ZNF7: variants seen among roughly 807,000 people sequenced by gnomAD.
ZNF7 encodes the protein zinc finger protein 7.
ZNF7 carries 10 observed loss-of-function variants against 12.0 expected under a neutral mutation model. That is an observed-to-expected ratio of 0.83 (90% confidence interval 0.51 to 1.42). The LOEUF is 1.42. Among genes scored for constraint, ZNF7 ranks in the 40% most tolerant of loss-of-function variants. The pLI is 0.00. For missense variants in ZNF7, 854 were observed against 837.2 expected (o/e 1.02, Z -0.25); for synonymous variants, 334 against 295.0 (o/e 1.13, Z -1.35).
At position 144,841,385 on chromosome 8, in the gene ZNF7, C is replaced by T. The variant is rs754596607; in HGVS notation, c.278C>T (p.Ala93Val). Residue 93 changes from alanine (A) to valine (V), a missense_variant, in exon 5 of 5, where the codon GCC becomes GTC. Physicochemically the swap from Ala to Val is moderately conservative, Grantham distance 64. Coordinates refer to ENST00000532777, the MANE Select transcript of ZNF7 (RefSeq NM_003416.4). ...DSTIRTENEQ[A>V]CEDMDILKSE... ...ACGATTAGGACTGAAAATGAGCAGG[C>T]CTGTGAGGACATGGACATCCTAAAA... The T allele has an allele frequency of 4.3e-6, 7 of 1,611,272 alleles. No homozygotes were observed. The highest frequency in any genetic ancestry group is 4.5e-5 in the East Asian group (2 of 44,776).
chr8:144,828,883 C>A, intron 1 of ZNF7, 160 bp from the exon 2 acceptor site: 3 of 849,506 alleles, frequency 3.5e-6, no homozygotes, highest in African/African-American at 1.7e-5. Context: ...AGTGGGCCTC[C>A]TTCACTCAAG....
At chr8:144,832,011 T>A (rs1828508082) in intron 3 of ZNF7, among the ~76,000 whole-genome samples, 1 of 100,204 alleles carries the variant, frequency 1.0e-5, no homozygotes, top group Non-Finnish European at 2.5e-5. Flanking sequence ...TGAGACCCTG[T>A]CTAAAAAAAA....
Position 144,843,325 on chromosome 8 carries a change from T to A in ZNF7, c.*157T>A, listed in dbSNP as rs2722488. ...CAACTTCAGGCCGAGTGTGGTGGCT[T>A]ATGCCTGTCATCCCAGCACTTTGGG... On this transcript the variant is annotated 3_prime_UTR_variant, in exon 5 of 5. Transcript: ENST00000532777. The A allele has an allele frequency of 4.3e-6, 4 of 926,634 alleles. No individual in the cohort carries two copies. The highest frequency in any genetic ancestry group is 6.2e-6 in the Non-Finnish European group (4 of 648,656). 57.4% of individuals were successfully genotyped at this position (926,634 alleles called of 1,614,324 possible). A position where few individuals can be genotyped will look rare whatever the true frequency, so the allele number is the denominator to read the frequency against.
In ZNF7 at chr8:144,842,697, C is replaced by T. The variant is rs201846657; in HGVS notation, c.1590C>T (p.Cys530=). 200 of 1,613,888 alleles carry T rather than the reference C, an allele frequency of 1.2e-4. No homozygotes were observed. The highest frequency in any genetic ancestry group is 5.2e-4 in the Admixed American group (31 of 59,996). ...KGEKPYECLQ[C]GKAFSMSTQL... ...AGAAGCCCTACGAATGCCTCCAATG[C>T]GGAAAAGCCTTCAGTATGAGCACAC... The change falls in exon 5 of 5, where the codon TGC becomes TGT. Residue 530 remains cysteine, a synonymous_variant. Transcript: ENST00000532777.
intron 3 of ZNF7, 84 bp from the exon 4 acceptor site, chr8:144,837,307 C>T (rs1388182054): frequency 2.4e-6 from 3 of 1,226,144 alleles, no homozygotes; most frequent in Non-Finnish European, 3.4e-6. Context: ...TGCCCCTTTC[C>T]ATTTGGAAAC....
rs769377377 is a variant in ZNF7 at position 144,842,719 on chromosome 8, A to G, written c.1612A>G (p.Thr538Ala). 6.2e-7 allele frequency: 1 copy of G among 1,613,978 alleles called. No homozygotes were observed. Among genetic ancestry groups the G allele is most frequent in the South Asian group, 1.1e-5 (1 of 91,064 alleles). ...ATGCGGAAAAGCCTTCAGTATGAGC[A>G]CACAGCTTACAATACATCAAAGGGT... is the stretch of plus-strand genomic sequence containing the variant. ...LQCGKAFSMSTQLTIHQRVHT... is the reference protein window; with the variant it reads ...LQCGKAFSMSAQLTIHQRVHT... The change falls in exon 5 of 5, where the codon ACA becomes GCA. Residue 538 changes from threonine (T) to alanine (A), a missense_variant. Thr to Ala is a moderately conservative substitution (Grantham distance 58). Transcript: ENST00000532777.
chr8:144,839,938 CTTTA>C (rs1256340378), intron 4 of ZNF7, among the ~76,000 whole-genome samples: 1 of 152,146 alleles, frequency 6.6e-6, no homozygotes, highest in Non-Finnish European at 1.5e-5. Context: ...TGCCGCTGCT[CTTTA>C]TTTTTTTATT....
At chr8:144,832,658 G>A (rs1828576978) in intron 3 of ZNF7, among the ~76,000 whole-genome samples, 1 of 151,862 alleles carries the variant, frequency 6.6e-6, no homozygotes, top group Admixed American at 6.6e-5. Context: ...AACCCAGGAG[G>A]CAGAGGTTGC....
intron 3 of ZNF7, 64 bp from the exon 4 acceptor site, chr8:144,837,327 C>T: frequency 2.1e-6 from 3 of 1,410,158 alleles, no homozygotes; most frequent in Non-Finnish European, 2.9e-6. Flanking sequence ...CTGGGGAAGA[C>T]TTAGCCCTGT....
intron 1 of ZNF7, 152 bp from the exon 2 acceptor site, chr8:144,828,890 CA>C: frequency 1.1e-6 from 1 of 930,084 alleles, no homozygotes; most frequent in Non-Finnish European, 1.6e-6. Context: ...CTCCTTCACT[CA>C]AGTGCCATGG....
chr8:144,842,892 T>C lies in ZNF7; in HGVS notation c.1785T>C (p.Tyr595=), dbSNP rs1830134579. The change falls in exon 5 of 5, where the codon TAT becomes TAC. Residue 595 remains tyrosine, a synonymous_variant. Coordinates refer to ENST00000532777, the MANE Select transcript of ZNF7 (RefSeq NM_003416.4). ...GAAAAGCCTTCAGCCGGAGCTCATA[T>C]CTTATTGAACACCAGAGAATACACA... ...ECGKAFSRSS[Y]LIEHQRIHTR... 1.9e-6 allele frequency: 3 copies of C among 1,614,198 alleles called. No individual in the cohort carries two copies. In the South Asian group the frequency reaches 3.3e-5, roughly 18 times the overall value.
intron 4 of ZNF7, among the ~76,000 whole-genome samples, chr8:144,839,648 C>A (rs578105934): frequency 3.0e-4 from 46 of 152,372 alleles, no homozygotes; most frequent in African/African-American, 1.1e-3. Context: ...CACTTGCTCG[C>A]AGACCTGAGA....
At chr8:144,837,630 C>T (rs1225698463) in intron 4 of ZNF7, 123 bp downstream of exon 4, 4 of 680,108 alleles carry the variant, frequency 5.9e-6, no homozygotes, top group South Asian at 2.2e-5. Flanking sequence ...GGGAATGCTA[C>T]TGGGGAAGCA....
At chr8:144,827,798 C>G (rs1586780403) in intron 1 of ZNF7, 189 bp downstream of exon 1, 1 of 631,178 alleles carries the variant, frequency 1.6e-6, no homozygotes, top group East Asian at 1.4e-4. Flanking sequence ...CCACCCTCCC[C>G]CGCGGCGGCG....
intron 1 of ZNF7, chr8:144,828,086 C>T (rs960213273): frequency 2.0e-5 from 3 of 152,412 alleles, no homozygotes; most frequent in South Asian, 4.1e-4. Context: ...ATTCTGGTTG[C>T]TATTCCGGGC....
At chr8:144,828,209 T>TC (rs1828015727) in intron 1 of ZNF7, among the ~76,000 whole-genome samples, 1 of 152,096 alleles carries the variant, frequency 6.6e-6, no homozygotes, top group Non-Finnish European at 1.5e-5. Flanking sequence ...AGACTCTTTT[T>TC]CCCATTCCGA....
At chr8:144,844,546 TAA>T (rs1195630899), downstream of ZNF7, among the ~76,000 whole-genome samples, 4 of 150,904 alleles carry the variant, frequency 2.7e-5, no homozygotes, top group East Asian at 7.8e-4. Flanking sequence ...CCGTGTCTAC[TAA>T]AAATACAAAA....
In ZNF7 at chr8:144,835,144, G is replaced by C. The variant is rs549212283; in HGVS notation, c.131-2247G>C. 3 of 152,058 alleles carry C rather than the reference G, an allele frequency of 2.0e-5. No individual in the cohort carries two copies. The East Asian group carries it at 5.8e-4, about 29-fold the overall frequency. The allele number at this position is 152,058 out of a possible 1,614,324, so 9.4% of individuals were successfully genotyped here. ...GGTGGAGCTAATCTGTAAAACCATC[G>C]GGACCTTGAGCTTTTGGGGAAGGAA... On this transcript the variant is annotated intron_variant, in intron 3 of 4. Coordinates refer to ENST00000532777, the MANE Select transcript of ZNF7 (RefSeq NM_003416.4).
At chr8:144,845,845 C>T (rs531042752), downstream of ZNF7, 17 of 812,856 alleles carry the variant, frequency 2.1e-5, no homozygotes, top group South Asian at 1.6e-4. Context: ...CTTCTGTGCA[C>T]GTGGAGTATG....
Sources: allele counts gnomAD v4.1 joint callset (sites outside exome capture counted in the v4.1 genomes callset), GRCh38; gene constraint gnomAD v4.1.1; transcripts MANE v1.5; gene names NCBI Gene and HGNC (gene_info 2026-07-23, HGNC 2026-07-21).